RAD18: variants seen among roughly 807,000 people sequenced by gnomAD.
RAD18 encodes the protein RAD18 E3 ubiquitin protein ligase.
RAD18 carries 47 observed loss-of-function variants against 60.4 expected under a neutral mutation model. The observed-to-expected ratio is 0.78, with a 90% CI of 0.62 to 0.99. The LOEUF (loss-of-function observed/expected upper bound fraction) is 0.99, where lower values mean the gene tolerates loss of function less well. Among genes scored for constraint, RAD18 ranks in the 50% least tolerant of loss-of-function variants. The probability of loss-of-function intolerance (pLI) is 0.00; values close to 1 mark genes in which losing one functional copy is unlikely to be tolerated. For missense variants in RAD18, 640 were observed against 593.3 expected (o/e 1.08, Z -0.82); for synonymous variants, 225 against 195.5 (o/e 1.15, Z -1.26).
intron 12 of RAD18, among the ~76,000 whole-genome samples, chr3:8,886,661 G>A (rs1037119011): frequency 2.6e-5 from 4 of 152,240 alleles, no homozygotes; most frequent in African/African-American, 9.6e-5. Flanking sequence ...GAAAGGGTGA[G>A]AGTGCTGCTG....
chr3:8,946,234 T>C (rs1158691206), intron 4 of RAD18, among the ~76,000 whole-genome samples: 1 of 152,270 alleles, frequency 6.6e-6, no homozygotes, highest in Non-Finnish European at 1.5e-5. Context: ...TAGGTACCAT[T>C]GTGTTGCAAC....
At chr3:8,913,561 T>C (rs552453266) in intron 8 of RAD18, 83 bp downstream of exon 8, 2 of 1,018,262 alleles carry the variant, frequency 2.0e-6, no homozygotes, top group Non-Finnish European at 2.8e-6. Context: ...ATGAATAAAT[T>C]TAATAATGGC....
intron 5 of RAD18, 95 bp from the exon 6 acceptor site, chr3:8,939,748 G>T: frequency 9.6e-7 from 1 of 1,038,434 alleles, no homozygotes. Context: ...AAGTAAAAAA[G>T]AATCCCAACT....
chr3:8,914,333 A>C (rs1262980341), intron 7 of RAD18, among the ~76,000 whole-genome samples: 1 of 152,246 alleles, frequency 6.6e-6, no homozygotes, highest in East Asian at 1.9e-4. Flanking sequence ...ATATGGTAGG[A>C]AATAAAAATC....
intron 11 of RAD18, among the ~76,000 whole-genome samples, chr3:8,893,819 C>T (rs2125048130): frequency 6.6e-6 from 1 of 151,506 alleles, no homozygotes; most frequent in East Asian, 1.9e-4. Flanking sequence ...ACCACATCTC[C>T]TGAGTAGTTA....
intron 12 of RAD18, among the ~76,000 whole-genome samples, chr3:8,884,213 G>A (rs767540234): frequency 7.9e-5 from 12 of 152,148 alleles, no homozygotes; most frequent in Admixed American, 3.9e-4. Context: ...AAAGCCAGTC[G>A]AATCACCACA....
At chr3:8,881,610 AT>A (rs1184891903) in intron 12 of RAD18, 151 bp from the exon 13 acceptor site, 1 of 621,542 alleles carries the variant, frequency 1.6e-6, no homozygotes, top group Non-Finnish European at 2.7e-6. Context: ...TATTATTAGT[AT>A]TTCCACTTTA....
chr3:8,924,568 G>C (rs1228093240), intron 7 of RAD18, among the ~76,000 whole-genome samples: 2 of 138,344 alleles, frequency 1.4e-5, no homozygotes, highest in East Asian at 3.9e-4. Flanking sequence ...AGACCTAATA[G>C]ACATCTACAG....
chr3:8,907,885 C>T (rs1024003125), intron 9 of RAD18, among the ~76,000 whole-genome samples: 2 of 152,202 alleles, frequency 1.3e-5, no homozygotes, highest in African/African-American at 2.4e-5. Context: ...CTGCACAGAG[C>T]CTGCTCCCAC....
At position 8,908,579 on chromosome 3, in the gene RAD18, C is replaced by T. The variant is rs377142059; in HGVS notation, c.1027+3733G>A. The stretch of plus-strand genomic sequence containing the variant: ...TAGACTTCTAGCCTCCAGAACCCTG[C>T]TGACATCTTGATCTTGGACTTCTAG... On this transcript the variant is annotated intron_variant, in intron 9 of 12. Transcript: ENST00000264926. Among the ~76,000 whole-genome samples, 20 of 152,224 alleles carry T rather than the reference C, an allele frequency of 1.3e-4. No homozygotes were observed. The East Asian group carries it at 3.7e-3, about 28-fold the overall frequency.
At chr3:8,939,034 G>T (rs976620652) in intron 6 of RAD18, among the ~76,000 whole-genome samples, 1 of 151,960 alleles carries the variant, frequency 6.6e-6, no homozygotes, top group Non-Finnish European at 1.5e-5. Context: ...TGGAGGATGG[G>T]GGGGTGGTGT....
At chr3:8,961,765 G>A (rs753106864) in intron 1 of RAD18, among the ~76,000 whole-genome samples, 1 of 152,158 alleles carries the variant, frequency 6.6e-6, no homozygotes, top group Non-Finnish European at 1.5e-5. Flanking sequence ...CTCACTGAAC[G>A]CTCTGTGGTG....
At chr3:8,959,028 T>C in intron 1 of RAD18, 27 bp from the exon 2 acceptor site, 1 of 1,578,164 alleles carries the variant, frequency 6.3e-7, no homozygotes, top group Non-Finnish European at 8.7e-7. Flanking sequence ...CATATATACA[T>C]ATCAGAAAGA....
intron 10 of RAD18, among the ~76,000 whole-genome samples, chr3:8,901,053 A>G (rs1039977591): frequency 6.6e-6 from 1 of 152,246 alleles, no homozygotes; most frequent in Admixed American, 6.5e-5. Flanking sequence ...ACCATGAGTT[A>G]CATACTGAGG....
chr3:8,882,873 T>A (rs1274889005), intron 12 of RAD18, among the ~76,000 whole-genome samples: 1 of 152,206 alleles, frequency 6.6e-6, no homozygotes, highest in Non-Finnish European at 1.5e-5. Context: ...AGTAGAAGGA[T>A]GTGCATTTCT....
chr3:8,907,710 C>T (rs1026952573), intron 9 of RAD18, among the ~76,000 whole-genome samples: 1 of 152,216 alleles, frequency 6.6e-6, no homozygotes, highest in East Asian at 1.9e-4. Flanking sequence ...AGATCACCTT[C>T]TTCCCGCATC....
intron 7 of RAD18, among the ~76,000 whole-genome samples, chr3:8,916,184 A>C (rs1940197256): frequency 6.6e-6 from 1 of 152,194 alleles, no homozygotes; most frequent in Admixed American, 6.5e-5. Flanking sequence ...AGGATCAGGA[A>C]ACCATTCTGG....
intron 6 of RAD18, among the ~76,000 whole-genome samples, chr3:8,939,008 T>A (rs1483565945): frequency 6.6e-6 from 1 of 152,122 alleles, no homozygotes; most frequent in Non-Finnish European, 1.5e-5. Context: ...GCTGACAATT[T>A]ATTAGCTACA....
At chr3:8,945,958 G>T (rs1940833054) in intron 4 of RAD18, among the ~76,000 whole-genome samples, 1 of 152,164 alleles carries the variant, frequency 6.6e-6, no homozygotes, top group Non-Finnish European at 1.5e-5. Flanking sequence ...TTTACAAAGT[G>T]TAAAAGTTAC....
Sources: allele counts gnomAD v4.1 joint callset (sites outside exome capture counted in the v4.1 genomes callset), GRCh38; gene constraint gnomAD v4.1.1; transcripts MANE v1.5; gene names NCBI Gene and HGNC (gene_info 2026-07-23, HGNC 2026-07-21).